Variants in SNTG1 observed in about 807,000 individuals in gnomAD.
SNTG1 encodes the protein gamma-1-syntrophin.
In SNTG1, 39 loss-of-function variants were observed where a neutral mutation model predicts 74.7. That is an observed-to-expected ratio of 0.52 (90% CI 0.40 to 0.68). The LOEUF (loss-of-function observed/expected upper bound fraction) is 0.68, where lower values mean the gene tolerates loss of function less well. SNTG1 is among the 30% of genes least tolerant of loss of function. The probability of loss-of-function intolerance (pLI) is 0.00; values close to 1 mark genes in which losing one functional copy is unlikely to be tolerated. For missense variants in SNTG1, 685 were observed against 609.5 expected, an observed-to-expected ratio of 1.12 and a Z score of -1.30; for synonymous variants, 254 against 217.1, an observed-to-expected ratio of 1.17 and a Z score of -1.49.
intron 17 of SNTG1, among the ~76,000 whole-genome samples, chr8:50,740,555 T>G (rs1283239394): frequency 6.6e-6 from 1 of 152,084 alleles, no homozygotes. Context: ...TATAAATTAG[T>G]TTAACCATTG....
intron 1 of SNTG1, among the ~76,000 whole-genome samples, chr8:50,152,988 C>A (rs1000555528): frequency 6.6e-6 from 1 of 152,188 alleles, no homozygotes; most frequent in African/African-American, 2.4e-5. Flanking sequence ...TGGATAATAT[C>A]ATGAGGAGTG....
At chr8:50,577,046 A>T (rs961295455) in intron 12 of SNTG1, among the ~76,000 whole-genome samples, 4 of 152,196 alleles carry the variant, frequency 2.6e-5, no homozygotes, top group Admixed American at 2.6e-4. Context: ...ACATAGGAAC[A>T]TATTATCCTT....
intron 11 of SNTG1, among the ~76,000 whole-genome samples, chr8:50,538,541 A>G (rs1031241444): frequency 2.6e-5 from 4 of 152,168 alleles, no homozygotes; most frequent in Middle Eastern, 3.2e-3. Flanking sequence ...GTCTACTGTC[A>G]TTCAAATCAG....
At chr8:49,995,999 A>G (rs1340305621) in intron 1 of SNTG1, among the ~76,000 whole-genome samples, 4 of 152,200 alleles carry the variant, frequency 2.6e-5, no homozygotes, top group African/African-American at 7.2e-5. Flanking sequence ...AGAAGGAAAA[A>G]CTGCAAGTAG....
intron 1 of SNTG1, among the ~76,000 whole-genome samples, chr8:49,973,030 T>A (rs996347489): frequency 2.6e-5 from 4 of 152,136 alleles, no homozygotes; most frequent in African/African-American, 4.8e-5. Context: ...ACCCAAAGGA[T>A]TATAAATCAT....
chr8:49,918,130 A>G (rs1024724803), intron 1 of SNTG1, among the ~76,000 whole-genome samples: 1 of 152,184 alleles, frequency 6.6e-6, no homozygotes, highest in African/African-American at 2.4e-5. Flanking sequence ...AAATGAGACA[A>G]TGAACCACGA....
At chr8:50,033,825 G>T (rs1225809587) in intron 1 of SNTG1, among the ~76,000 whole-genome samples, 2 of 152,090 alleles carry the variant, frequency 1.3e-5, no homozygotes, top group Non-Finnish European at 1.5e-5. Flanking sequence ...GGTATTGGGG[G>T]TTAGGGATTT....
At chr8:50,754,390 C>T (rs184977523) in intron 18 of SNTG1, among the ~76,000 whole-genome samples, 14 of 151,990 alleles carry the variant, frequency 9.2e-5, no homozygotes, top group Non-Finnish European at 2.1e-4. Flanking sequence ...TTTGGTTCTG[C>T]TCATCATAGT....
At chr8:50,650,921 G>A (rs763693768) in intron 13 of SNTG1, among the ~76,000 whole-genome samples, 44 of 152,048 alleles carry the variant, frequency 2.9e-4, no homozygotes, top group Non-Finnish European at 5.3e-4. Flanking sequence ...GGCTGGTCTC[G>A]AACTCTTGAC....
At chr8:50,415,357 T>C (rs2093001211) in intron 4 of SNTG1, among the ~76,000 whole-genome samples, 1 of 152,124 alleles carries the variant, frequency 6.6e-6, no homozygotes. Context: ...AAATCTATAT[T>C]GTTCTGGAAA....
intron 17 of SNTG1, among the ~76,000 whole-genome samples, chr8:50,749,336 T>C (rs1284583343): frequency 6.6e-6 from 1 of 152,012 alleles, no homozygotes; most frequent in African/African-American, 2.4e-5. Context: ...ATAAGTTTGT[T>C]CATGAGGTTT....
intron 5 of SNTG1, among the ~76,000 whole-genome samples, chr8:50,440,674 T>C (rs2093350182): frequency 6.6e-6 from 1 of 152,202 alleles, no homozygotes; most frequent in Non-Finnish European, 1.5e-5. Flanking sequence ...CTTACCACTA[T>C]TTGCTTCAGT....
At chr8:50,448,097 C>T (rs183324894) in intron 5 of SNTG1, among the ~76,000 whole-genome samples, 85 of 152,222 alleles carry the variant, frequency 5.6e-4, no homozygotes, top group Admixed American at 9.2e-4. Context: ...GACACACAGA[C>T]CAAAAAGCAG....
rs141415804 is a variant in SNTG1 at position 50,763,648 on chromosome 8, T to TTGTGTGTGTGTGTGTG, written c.1395+11566_1395+11581dup. 1.7e-4 allele frequency among the ~76,000 whole-genome samples: 20 copies of TTGTGTGTGTGTGTGTG among 117,144 alleles called. 1 individual carries two copies. Among genetic ancestry groups the TTGTGTGTGTGTGTGTG allele is most frequent in the Non-Finnish European group, 2.6e-4 (15 of 57,422 alleles). 76.9% of individuals were successfully genotyped at this position (117,144 alleles called of 152,430 possible). ...CTCTTTTGGCTCAAGATTGCCTTTA[T>TTGTGTGTGTGTGTGTG]TGTGTGTGTGTGTGTGTGTGTGTGT... On this transcript the variant is annotated intron_variant, in intron 18 of 18. Coordinates refer to ENST00000642720, the MANE Select transcript of SNTG1 (RefSeq NM_018967.5).
At chr8:50,542,621 C>A (rs56346224) in intron 11 of SNTG1, among the ~76,000 whole-genome samples, 5,046 of 152,154 alleles carry the variant, frequency 0.033, 279 homozygotes, top group African/African-American at 0.11. Flanking sequence ...AATGAAATTG[C>A]TGGATCGTGT....
At chr8:50,476,857 G>GACACACACACACAC (rs59121229) in intron 8 of SNTG1, among the ~76,000 whole-genome samples, 18,199 of 145,740 alleles carry the variant, frequency 0.12, 1,424 homozygotes, top group Admixed American at 0.17. Context: ...GACACACACA[G>GACACACACACACAC]ACACACACAC....
At chr8:50,422,254 A>ATCTG in intron 4 of SNTG1, among the ~76,000 whole-genome samples, 2 of 3,318 alleles carry the variant, frequency 6.0e-4, no homozygotes, top group East Asian at 0.5. Context: ...CTATCTATCT[A>ATCTG]TCTATCTATC....
chr8:50,168,401 A>G (rs1221918128), intron 1 of SNTG1, among the ~76,000 whole-genome samples: 1 of 152,160 alleles, frequency 6.6e-6, no homozygotes, highest in African/African-American at 2.4e-5. Flanking sequence ...TTTCTCTAAT[A>G]GTAAAGGAAA....
At chr8:50,720,763 G>C (rs1177700430) in intron 17 of SNTG1, among the ~76,000 whole-genome samples, 1 of 152,160 alleles carries the variant, frequency 6.6e-6, no homozygotes, top group Non-Finnish European at 1.5e-5. Context: ...TGTGAGAAGA[G>C]TATAAATAGA....
Sources: gnomAD v4.1 joint callset for allele counts (sites outside exome capture counted in the v4.1 genomes callset) on GRCh38, gnomAD v4.1.1 for gene constraint, MANE v1.5 for transcripts, NCBI Gene and HGNC (gene_info 2026-07-23, HGNC 2026-07-21) for gene names.